MED12: variants seen among roughly 807,000 people sequenced by gnomAD.
MED12 encodes the protein mediator of RNA polymerase II transcription subunit 12.
MED12 carries 10 observed loss-of-function variants against 177.7 expected under a neutral mutation model. The ratio of observed to expected loss-of-function variants is 0.06; its 90% CI spans 0.03 to 0.10. The LOEUF (loss-of-function observed/expected upper bound fraction) is 0.10, where lower values mean the gene tolerates loss of function less well. MED12 is among the 10% of genes least tolerant of loss of function. The pLI is 1.00. For missense variants in MED12, 867 were observed against 1,780.8 expected (o/e 0.49, Z 9.23); for synonymous variants, 641 against 678.4 (o/e 0.94, Z 0.86).
At chrX:71,139,029 A>G (rs966244289) in intron 41 of MED12, among the ~76,000 whole-genome samples, 4 of 111,538 alleles carry the variant, frequency 3.6e-5, no homozygotes, top group African/African-American at 1.3e-4. Context: ...GGACTGGGTG[A>G]GGTGAAGAAA....
intron 28 of MED12, 152 bp downstream of exon 28, chrX:71,130,366 C>T: frequency 1.8e-6 from 1 of 570,444 alleles, no homozygotes; most frequent in South Asian, 3.0e-5. Flanking sequence ...GAAACAGCTC[C>T]AGCATGGGCT....
Position 71,135,124 on chromosome X carries a change from G to A in MED12, c.4896G>A (p.Leu1632=), listed in dbSNP as rs1188438467. The A allele has an allele frequency of 2.5e-6, 3 of 1,211,487 alleles. No homozygotes were observed. Among genetic ancestry groups the A allele is most frequent in the Non-Finnish European group, 3.4e-6 (3 of 895,410 alleles). The change falls in exon 36 of 45, where the codon CTG becomes CTA. Residue 1632 remains leucine, a synonymous_variant. Coordinates refer to ENST00000374080, the MANE Select transcript of MED12 (RefSeq NM_005120.3). Reference sequence around the variant, plus strand: ...TGGGGGAGCGCCAGTCAGACAGTCTGGAAAAGGTTCGCCAGCTGCTGCCAC... The same window carrying A: ...TGGGGGAGCGCCAGTCAGACAGTCTAGAAAAGGTTCGCCAGCTGCTGCCAC... ...KELGERQSDS[L]EKVRQLLPLP...
Position 71,127,910 on chromosome X carries a change from TGAA to T in MED12, c.3003_3005del (p.Lys1001del). 8.3e-7 allele frequency: 1 copy of T among 1,210,445 alleles called. No homozygotes were observed. Among genetic ancestry groups the T allele is most frequent in the Non-Finnish European group, 1.1e-6 (1 of 894,539 alleles). On this transcript the variant is annotated inframe_deletion, in exon 22 of 45. Coordinates refer to ENST00000374080, the MANE Select transcript of MED12 (RefSeq NM_005120.3). The stretch of plus-strand genomic sequence containing the variant: ...CCCTGCAGCGACTTTTGCTCAAAGG[TGAA>T]GAACACCATCTACTGCAACGTGGAG...
chrX:71,126,213 TC>T (rs2092302954), intron 18 of MED12, 59 bp downstream of exon 18: 9 of 1,150,352 alleles, frequency 7.8e-6, no homozygotes, highest in Middle Eastern at 4.7e-4. Flanking sequence ...GTTTTCCTTT[TC>T]TTCCCTATCT....
chrX:71,128,740 C>T, intron 24 of MED12, 22 bp downstream of exon 24: 1 of 1,203,515 alleles, frequency 8.3e-7, no homozygotes, highest in Non-Finnish European at 1.1e-6. Context: ...ATCTGTAACC[C>T]CTAGCATTTC....
In MED12 at chrX:71,128,137, G is replaced by T; in HGVS notation, c.3209+17G>T. On this transcript the variant is annotated intron_variant, in intron 22 of 44. Coordinates refer to ENST00000374080, the MANE Select transcript of MED12 (RefSeq NM_005120.3). ...TCCCGATAGGTATGGGGTGTACTGAGTGAGGAAGGGCACCATGCCCCCATC... is the reference window on the plus strand; with the variant it reads ...TCCCGATAGGTATGGGGTGTACTGATTGAGGAAGGGCACCATGCCCCCATC... The T allele has an allele frequency of 8.4e-7, 1 of 1,195,555 alleles. No homozygotes were observed.
In MED12 at chrX:71,123,602, A is replaced by G; in HGVS notation, c.1626A>G (p.Gly542=). The G allele has an allele frequency of 2.5e-6, 3 of 1,211,365 alleles. No homozygotes were observed. The highest frequency in any genetic ancestry group is 3.4e-6 in the Non-Finnish European group (3 of 895,256). The change falls in exon 12 of 45, where the codon GGA becomes GGG. Residue 542 remains glycine, a synonymous_variant. Transcript: ENST00000374080. ...GTTCTGTCATCTTGCAGCGTTGTGG[A>G]GAATCAGAAGCCGCAGATGAGAAGG... is the stretch of plus-strand genomic sequence containing the variant. ...RQAEIEAERC[G]ESEAADEKGS...
At position 71,127,480 on chromosome X, in the gene MED12, G is replaced by A. The variant is rs73214870; in HGVS notation, c.2981+13G>A. ...GGGAGCTCTTCAGGTAAGAGAGGTG[G>A]AAGGTAAGGGGTAGCGAGTGGGACC... On this transcript the variant is annotated intron_variant, in intron 21 of 44. Transcript: ENST00000374080. 1,671 of 1,197,697 alleles carry A rather than the reference G, an allele frequency of 1.4e-3. No individual in the cohort carries two copies. Among genetic ancestry groups the A allele is most frequent in the Admixed American group, 2.5e-3 (116 of 45,756 alleles).
intron 35 of MED12, 24 bp downstream of exon 35, chrX:71,134,872 G>C (rs770115187): frequency 5.0e-6 from 6 of 1,210,667 alleles, no homozygotes; most frequent in Non-Finnish European, 6.7e-6. Flanking sequence ...GCGGGGGCAA[G>C]GTTTGCGGTT....
At position 71,136,866 on chromosome X, in the gene MED12, G is replaced by A; in HGVS notation, c.5401-13G>A. ...TACAACCCACTCACCCTCTTCCTCT[G>A]CCACTCACACAGGACTATGGAATGG... On this transcript the variant is annotated splice_polypyrimidine_tract_variant and intron_variant, in intron 37 of 44. Coordinates refer to ENST00000374080, the MANE Select transcript of MED12 (RefSeq NM_005120.3). 1 of 1,210,963 alleles carries A rather than the reference G, an allele frequency of 8.3e-7. No individual in the cohort carries two copies. Among genetic ancestry groups the A allele is most frequent in the Non-Finnish European group, 1.1e-6 (1 of 895,349 alleles).
In MED12 at chrX:71,136,393, G is replaced by A. The variant is rs374390933; in HGVS notation, c.5138G>A (p.Arg1713Gln). ...GWFGTVRVDR[R>Q]VARGEEQQRL... ...TTTGGAACAGTCCGAGTGGACCGGCGAGTGGCTCGAGGAGAGGAGCAGCAG... is the reference window on the plus strand; with the variant it reads ...TTTGGAACAGTCCGAGTGGACCGGCAAGTGGCTCGAGGAGAGGAGCAGCAG... Residue 1713 changes from arginine (R) to glutamine (Q), a missense_variant, in exon 37 of 45, where the codon CGA (arginine) becomes CAA (glutamine). Coordinates refer to ENST00000374080, the MANE Select transcript of MED12 (RefSeq NM_005120.3). The A allele has an allele frequency of 1.7e-6, 2 of 1,211,080 alleles. No individual in the cohort carries two copies. The highest frequency in any genetic ancestry group is 3.0e-5 in the East Asian group (1 of 33,803).
Position 71,140,776 on chromosome X carries a change from GCAGCAGCAGCAGCAACAGCAA to G in MED12, c.6201_6221del (p.Gln2070_Gln2076del). ...AGCAGCAACAGCAGCAACAGCAACAGCAGCAGCAGCAGCAACAGCAACAGCAGCAGCAGCAGCAGCAGTACC... is the reference window on the plus strand; with the variant it reads ...AGCAGCAACAGCAGCAACAGCAACAGCAGCAGCAGCAGCAGCAGCAGTACC... On this transcript the variant is annotated inframe_deletion, in exon 42 of 45. Coordinates refer to ENST00000374080, the MANE Select transcript of MED12 (RefSeq NM_005120.3). 2 of 1,197,022 alleles carry G rather than the reference GCAGCAGCAGCAGCAACAGCAA, an allele frequency of 1.7e-6. No homozygotes were observed. The highest frequency in any genetic ancestry group is 2.3e-6 in the Non-Finnish European group (2 of 884,964).
In MED12 at chrX:71,124,785, A is replaced by G. The variant is rs1401003961; in HGVS notation, c.1996A>G (p.Met666Val). The G allele has an allele frequency of 3.3e-6, 4 of 1,209,941 alleles. No homozygotes were observed. Among genetic ancestry groups the G allele is most frequent in the East Asian group, 3.0e-5 (1 of 33,825 alleles). The change falls in exon 14 of 45, where the codon ATG becomes GTG. Residue 666 changes from methionine (M) to valine (V), a missense_variant. Physicochemically the swap from Met to Val is conservative, Grantham distance 21. Coordinates refer to ENST00000374080, the MANE Select transcript of MED12 (RefSeq NM_005120.3). ...KLEDPGLSES[M>V]DIDPSSSVLF... Reference sequence around the variant, plus strand: ...TCAGGATCCAGGGCTCTCAGAATCTATGGACATTGACCCTAGTTCCAGTGT... The same window carrying G: ...TCAGGATCCAGGGCTCTCAGAATCTGTGGACATTGACCCTAGTTCCAGTGT...
At chrX:71,131,241 G>A (rs1341869054) in intron 28 of MED12, among the ~76,000 whole-genome samples, 1 of 105,267 alleles carries the variant, frequency 9.5e-6, no homozygotes, top group Non-Finnish European at 1.9e-5. Flanking sequence ...CAATTCTCCT[G>A]CCTCAGCCTC....
At chrX:71,129,994 C>T (rs201170682) in intron 27 of MED12, 41 bp from the exon 28 acceptor site, 24 of 1,192,833 alleles carry the variant, frequency 2.0e-5, no homozygotes, top group Admixed American at 4.5e-5. Flanking sequence ...TCCTAACCCC[C>T]TCACTGGTTG....
rs2092284517 is a variant in MED12 at position 71,119,604 on chromosome X, C to T, written c.205-82C>T. On this transcript the variant is annotated intron_variant, in intron 2 of 44. Coordinates refer to ENST00000374080, the MANE Select transcript of MED12 (RefSeq NM_005120.3). ...GTTTGCCTTCATGACCTAATACTAT[C>T]TCATTGGCATTTGCCCAGCAAAAGG... 25 of 1,119,601 alleles carry T rather than the reference C, an allele frequency of 2.2e-5. 1 individual carries two copies. In the South Asian group the frequency reaches 4.2e-4, roughly 19 times the overall value. The allele number at this position is 1,119,601 out of a possible 1,213,427, so 92.3% of individuals were successfully genotyped here.
At chrX:71,137,477 G>C (rs1461747275) in intron 39 of MED12, 81 bp from the exon 40 acceptor site, 1 of 1,149,109 alleles carries the variant, frequency 8.7e-7, no homozygotes, top group Non-Finnish European at 1.2e-6. Context: ...TCTTCACAAG[G>C]ACACTCAGGG....
rs770588604 is a variant in MED12 at position 71,123,075 on chromosome X, T to C, written c.1486-20T>C. On this transcript the variant is annotated intron_variant, in intron 10 of 44. Coordinates refer to ENST00000374080, the MANE Select transcript of MED12 (RefSeq NM_005120.3). ...TCCCCACCCCTACCTTACTCCTCCT[T>C]CTCTTCCTTTGTTCTCCAGATCTCC... is the stretch of plus-strand genomic sequence containing the variant. 6 of 1,209,221 alleles carry C rather than the reference T, an allele frequency of 5.0e-6. No individual in the cohort carries two copies. The highest frequency in any genetic ancestry group is 1.8e-5 in the African/African-American group (1 of 57,035).
chrX:71,123,035 G>A, intron 10 of MED12, 60 bp from the exon 11 acceptor site: 1 of 1,197,714 alleles, frequency 8.3e-7, no homozygotes, highest in Non-Finnish European at 1.1e-6. Context: ...TAGGAAATTG[G>A]AACTCATTTC....
Sources: gnomAD v4.1 joint callset for allele counts (sites outside exome capture counted in the v4.1 genomes callset) on GRCh38, gnomAD v4.1.1 for gene constraint, MANE v1.5 for transcripts, NCBI Gene and HGNC (gene_info 2026-07-23, HGNC 2026-07-21) for gene names.